The following LRGUK variants were observed in gnomAD, a reference collection of about 807,000 sequenced individuals.
The protein encoded by LRGUK is leucine-rich repeat and guanylate kinase domain-containing protein.
A neutral mutation model predicts 76.0 loss-of-function variants in LRGUK; 65 were observed. The ratio of observed to expected loss-of-function variants is 0.85; its 90% CI spans 0.70 to 1.05. LRGUK has a LOEUF of 1.05. LRGUK is among the 50% of genes least tolerant of loss of function. The pLI is 0.00. For synonymous variants in LRGUK, 268 were observed against 265.6 expected (o/e 1.01, Z -0.09); for missense variants, 758 against 732.8 (o/e 1.03, Z -0.40).
intron 16 of LRGUK, among the ~76,000 whole-genome samples, chr7:134,242,710 A>G (rs1802194034): frequency 6.6e-6 from 1 of 152,220 alleles, no homozygotes; most frequent in African/African-American, 2.4e-5. Context: ...TTATGAAGCC[A>G]ACATCATCCT....
downstream of LRGUK, among the ~76,000 whole-genome samples, chr7:134,214,012 C>G (rs1354153487): frequency 6.6e-6 from 1 of 152,160 alleles, no homozygotes; most frequent in Non-Finnish European, 1.5e-5. Flanking sequence ...AAAAGTGGCA[C>G]CTAATATTCA....
At chr7:134,246,224 C>T (rs1002882884) in intron 16 of LRGUK, among the ~76,000 whole-genome samples, 1 of 152,120 alleles carries the variant, frequency 6.6e-6, no homozygotes, top group African/African-American at 2.4e-5. Flanking sequence ...ATATTATCCC[C>T]CCCAAATTTA....
the LRGUK span, among the ~76,000 whole-genome samples, chr7:134,274,944 A>G: frequency 6.6e-6 from 1 of 151,948 alleles, no homozygotes; most frequent in Non-Finnish European, 1.5e-5. Context: ...TTTATTTTTC[A>G]TACTAAGTTC....
chr7:134,182,747 TTA>T (rs397766856), intron 10 of LRGUK, among the ~76,000 whole-genome samples: 1 of 151,254 alleles, frequency 6.6e-6, no homozygotes, highest in Admixed American at 6.6e-5. Flanking sequence ...GCAGGAGATT[TTA>T]TTATTATGAT....
intron 16 of LRGUK, among the ~76,000 whole-genome samples, chr7:134,224,780 T>C (rs1237954571): frequency 1.3e-5 from 2 of 152,046 alleles, no homozygotes; most frequent in Admixed American, 1.3e-4. Context: ...TGGCTGGGCG[T>C]GGTGGCTCAT....
downstream of LRGUK, among the ~76,000 whole-genome samples, chr7:134,269,350 C>CTTTT (rs71172445): frequency 0.018 from 2,208 of 123,848 alleles, 67 homozygotes; most frequent in African/African-American, 0.044. Context: ...GATTTCAATT[C>CTTTT]TTTTTTTTTT....
intron 1 of LRGUK, among the ~76,000 whole-genome samples, chr7:134,135,335 T>C (rs1484943596): frequency 1.3e-5 from 2 of 152,212 alleles, no homozygotes; most frequent in African/African-American, 4.8e-5. Flanking sequence ...AAGTCATTCT[T>C]CCTTGTTTGA....
rs567434835 is a variant in LRGUK at position 134,205,292 on chromosome 7, G to A, written c.1844-3415G>A. On this transcript the variant is annotated intron_variant, in intron 15 of 15. Transcript: ENST00000645682. ...AGACAGGAAAGTTCCTGATTGGTGC[G>A]TTTTACAATCCTCTTGTAAGACAGG... Among the ~76,000 whole-genome samples, 321 of 152,140 alleles carry A rather than the reference G, an allele frequency of 2.1e-3. 1 individual carries two copies. The highest frequency in any genetic ancestry group is 7.3e-3 in the African/African-American group (303 of 41,492).
chr7:134,225,011 C>G (rs1430987064), intron 16 of LRGUK, among the ~76,000 whole-genome samples: 1 of 150,308 alleles, frequency 6.7e-6, no homozygotes, highest in Non-Finnish European at 1.5e-5. Context: ...GAGATCTCGC[C>G]ACTGCACTCC....
downstream of LRGUK, among the ~76,000 whole-genome samples, chr7:134,265,331 T>G (rs1230812953): frequency 2.0e-5 from 3 of 152,188 alleles, no homozygotes; most frequent in African/African-American, 4.8e-5. Flanking sequence ...GCTAAAACCC[T>G]GAACATTATA....
At chr7:134,133,228 A>G (rs1222400) in intron 1 of LRGUK, among the ~76,000 whole-genome samples, 149,840 of 152,300 alleles carry the variant, frequency 0.98, 73,763 homozygotes, top group East Asian at 1. Context: ...TCAATGGGCC[A>G]TGCTTGCTTT....
At chr7:134,133,970 G>A (rs1023188573) in intron 1 of LRGUK, among the ~76,000 whole-genome samples, 2 of 152,018 alleles carry the variant, frequency 1.3e-5, no homozygotes, top group African/African-American at 2.4e-5. Flanking sequence ...GCTGAGGTGG[G>A]AGGATGACTT....
chr7:134,261,218 G>T (rs1231875251), intron 19 of LRGUK, among the ~76,000 whole-genome samples: 1 of 152,088 alleles, frequency 6.6e-6, no homozygotes, highest in Non-Finnish European at 1.5e-5. Context: ...TGCTGGCTCT[G>T]GGTCAAACTC....
intron 15 of LRGUK, among the ~76,000 whole-genome samples, chr7:134,219,312 CATT>C (rs1801516062): frequency 6.6e-6 from 1 of 152,124 alleles, no homozygotes; most frequent in South Asian, 2.1e-4. Context: ...AATCTAAACA[CATT>C]ATCTTCACCC....
chr7:134,240,539 A>C (rs1158194526), intron 16 of LRGUK, among the ~76,000 whole-genome samples: 2 of 152,222 alleles, frequency 1.3e-5, no homozygotes, highest in African/African-American at 4.8e-5. Flanking sequence ...GCCTCCAAAA[A>C]ATATGGGACT....
At chr7:134,160,398 C>T (rs1746421746) in intron 6 of LRGUK, among the ~76,000 whole-genome samples, 1 of 152,146 alleles carries the variant, frequency 6.6e-6, no homozygotes, top group South Asian at 2.1e-4. Flanking sequence ...AATATACTGT[C>T]ATTCATTTTT....
At chr7:134,250,246 A>C (rs1467865252) in intron 18 of LRGUK, among the ~76,000 whole-genome samples, 1 of 152,140 alleles carries the variant, frequency 6.6e-6, no homozygotes, top group African/African-American at 2.4e-5. Context: ...AATTATTTGC[A>C]CAGGGATATA....
chr7:134,188,050 G>C (rs1800048113), intron 11 of LRGUK, among the ~76,000 whole-genome samples: 1 of 152,176 alleles, frequency 6.6e-6, no homozygotes, highest in South Asian at 2.1e-4. Flanking sequence ...TTTGTAGAAT[G>C]GTTCATTTAT....
intron 18 of LRGUK, among the ~76,000 whole-genome samples, chr7:134,250,942 T>C (rs1290203155): frequency 2.6e-5 from 4 of 152,224 alleles, no homozygotes; most frequent in Non-Finnish European, 5.9e-5. Flanking sequence ...CTCCACCACA[T>C]TCTTTCTTCA....
Sources: allele counts gnomAD v4.1 joint callset (sites outside exome capture counted in the v4.1 genomes callset), GRCh38; gene constraint gnomAD v4.1.1; transcripts MANE v1.5; gene names NCBI Gene and HGNC (gene_info 2026-07-23, HGNC 2026-07-21).